GSE1: variants seen among roughly 807,000 people sequenced by gnomAD.
The protein encoded by GSE1 is Gse1 coiled-coil protein.
Under a neutral mutation model 112.6 loss-of-function variants are expected in GSE1, and 32 were observed. The ratio of observed to expected loss-of-function variants is 0.28; its 90% confidence interval spans 0.21 to 0.38. The LOEUF is 0.38. Ranked by LOEUF, GSE1 falls within the 10% of genes least tolerant of loss-of-function variation. The probability of loss-of-function intolerance (pLI) is 1.00; values close to 1 mark genes in which losing one functional copy is unlikely to be tolerated. For missense variants in GSE1, 2,348 were observed against 1,699.2 expected (o/e 1.38, Z -6.71); for synonymous variants, 1,115 against 735.6 (o/e 1.52, Z -8.35).
At chr16:85,434,973 G>T (rs1296223676) in intron 2 of GSE1, among the ~76,000 whole-genome samples, 1 of 152,240 alleles carries the variant, frequency 6.6e-6, no homozygotes, top group South Asian at 2.1e-4. Context: ...CTTCGTGGCT[G>T]TGCAGCCTCA....
At chr16:85,627,043 C>CTT in intron 1 of GSE1, among the ~76,000 whole-genome samples, 2 of 28,672 alleles carry the variant, frequency 7.0e-5, no homozygotes, top group African/African-American at 3.5e-4. Context: ...TTTCTTCTTG[C>CTT]CTTTTTTTTT....
chr16:85,302,475 G>A (rs1435146837), intron 1 of GSE1, among the ~76,000 whole-genome samples: 2 of 147,912 alleles, frequency 1.4e-5, no homozygotes, highest in African/African-American at 2.5e-5. Context: ...CACACACACC[G>A]ATAGTACTGC....
At chr16:85,583,372 T>C (rs1471487028) in intron 1 of GSE1, 1 of 152,598 alleles carries the variant, frequency 6.6e-6, no homozygotes, top group Non-Finnish European at 1.5e-5. Context: ...GGGTCCTCCA[T>C]AGCTGACGGC....
chr16:85,616,558 C>A (rs572633989), intron 1 of GSE1, among the ~76,000 whole-genome samples: 1 of 152,226 alleles, frequency 6.6e-6, no homozygotes, highest in Non-Finnish European at 1.5e-5. Flanking sequence ...CAGCAGGGTC[C>A]TCTGAAACCA....
At chr16:85,600,880 A>G (rs1262773493) in intron 1 of GSE1, among the ~76,000 whole-genome samples, 1 of 151,974 alleles carries the variant, frequency 6.6e-6, no homozygotes, top group Non-Finnish European at 1.5e-5. Context: ...GTGTCCTCCT[A>G]GGGGCTTCTT....
intron 12 of GSE1, 80 bp from the exon 13 acceptor site, chr16:85,665,896 A>C: frequency 7.2e-7 from 1 of 1,380,796 alleles, no homozygotes; most frequent in Non-Finnish European, 1.0e-6. Flanking sequence ...TGTAAGCTCT[A>C]GAGACCAGGA....
intron 2 of GSE1, among the ~76,000 whole-genome samples, chr16:85,648,131 C>T (rs939257655): frequency 1.4e-4 from 21 of 151,926 alleles, no homozygotes; most frequent in African/African-American, 4.8e-4. Context: ...TTCATGACAC[C>T]TCCTAGAAAC....
Position 85,339,187 on chromosome 16 carries a change from T to A in GSE1, c.2284-18276T>A, listed in dbSNP as rs1597432786. On this transcript the variant is annotated intron_variant, in intron 1 of 2. Coordinates refer to the GSE1 transcript ENST00000637419. ...GGCCAGTAGCCAGGCCCGTAGTAGT[T>A]CTCATGGCTATTTTACGTGATTGCA... 4.6e-5 allele frequency among the ~76,000 whole-genome samples: 7 copies of A among 152,292 alleles called. No homozygotes were observed. The South Asian group carries it at 1.5e-3, about 32-fold the overall frequency.
At chr16:85,278,255 C>G (rs1301386332) in intron 1 of GSE1, among the ~76,000 whole-genome samples, 1 of 152,178 alleles carries the variant, frequency 6.6e-6, no homozygotes, top group Non-Finnish European at 1.5e-5. Flanking sequence ...CAGAGTGTGA[C>G]CTGAGACCCT....
chr16:85,319,330 C>G (rs552975806), intron 1 of GSE1, among the ~76,000 whole-genome samples: 1 of 152,326 alleles, frequency 6.6e-6, no homozygotes, highest in African/African-American at 2.4e-5. Context: ...CTAATGGAAG[C>G]CTCTGGATCG....
At chr16:85,450,266 A>G (rs1391486614) in intron 2 of GSE1, among the ~76,000 whole-genome samples, 2 of 148,846 alleles carry the variant, frequency 1.3e-5, no homozygotes, top group Admixed American at 6.7e-5. Flanking sequence ...TTACAGGCAT[A>G]TGCCACCATG....
intron 1 of GSE1, among the ~76,000 whole-genome samples, chr16:85,182,666 A>T (rs1480764710): frequency 6.6e-6 from 1 of 152,112 alleles, no homozygotes; most frequent in African/African-American, 2.4e-5. Context: ...GCAGGTGACA[A>T]GGTGAACCAG....
In GSE1 at chr16:85,649,645, C is replaced by T. The variant is rs571650867; in HGVS notation, c.426+894C>T. On this transcript the variant is annotated intron_variant, in intron 3 of 15. Coordinates refer to ENST00000253458, the MANE Select transcript of GSE1 (RefSeq NM_014615.5). ...CCTGCAGCTCTCCCGGCCCCCCACC[C>T]CTGGCGCGCAGCCTGGAGTGGGCCC... is the stretch of plus-strand genomic sequence containing the variant. Among the ~76,000 whole-genome samples the T allele has an allele frequency of 1.9e-4, 29 of 152,310 alleles. No individual in the cohort carries two copies. The East Asian group carries it at 4.6e-3, about 24-fold the overall frequency.
At chr16:85,274,782 C>T (rs1406468450) in intron 1 of GSE1, among the ~76,000 whole-genome samples, 1 of 152,256 alleles carries the variant, frequency 6.6e-6, no homozygotes, top group Non-Finnish European at 1.5e-5. Context: ...CCACTGGCAC[C>T]TGCCCCCAGC....
At chr16:85,223,426 GACA>G (rs1472129456) in intron 1 of GSE1, among the ~76,000 whole-genome samples, 1 of 148,238 alleles carries the variant, frequency 6.7e-6, no homozygotes, top group African/African-American at 2.5e-5. Flanking sequence ...GGGAGGCTGA[GACA>G]GGAGAATAGC....
chr16:85,318,504 A>C (rs2046032348), intron 1 of GSE1, among the ~76,000 whole-genome samples: 1 of 152,144 alleles, frequency 6.6e-6, no homozygotes, highest in African/African-American at 2.4e-5. Context: ...GGATCAAATG[A>C]TATTCCCTCC....
intron 2 of GSE1, among the ~76,000 whole-genome samples, chr16:85,541,466 G>T (rs2044516133): frequency 6.6e-6 from 1 of 152,204 alleles, no homozygotes; most frequent in Non-Finnish European, 1.5e-5. Context: ...TGAGCTCCTG[G>T]GCCAAGTGAA....
At chr16:85,592,607 C>T (rs2047049921) in intron 1 of GSE1, 1 of 152,226 alleles carries the variant, frequency 6.6e-6, no homozygotes, top group African/African-American at 2.4e-5. Flanking sequence ...CCAGAAATTT[C>T]TCTCCAGCAG....
At chr16:85,492,126 C>T (rs527263195) in intron 2 of GSE1, among the ~76,000 whole-genome samples, 9 of 152,336 alleles carry the variant, frequency 5.9e-5, no homozygotes, top group Non-Finnish European at 7.3e-5. Flanking sequence ...CAGGCTTGGC[C>T]GGAGCCTCCG....
Sources: gnomAD v4.1 joint callset for allele counts (sites outside exome capture counted in the v4.1 genomes callset) on GRCh38, gnomAD v4.1.1 for gene constraint, MANE v1.5 for transcripts, NCBI Gene and HGNC (gene_info 2026-07-23, HGNC 2026-07-21) for gene names.